The following SLC7A2 variants were observed in gnomAD, a reference collection of about 807,000 sequenced individuals.
SLC7A2 encodes solute carrier family 7 member 2, also known as cationic amino acid transporter 2.
Under a neutral mutation model 58.9 loss-of-function variants are expected in SLC7A2, and 48 were observed. The ratio of observed to expected loss-of-function variants is 0.82; its 90% CI spans 0.65 to 1.04. The LOEUF (loss-of-function observed/expected upper bound fraction) is 1.04. Among genes scored for constraint, SLC7A2 ranks in the 50% least tolerant of loss-of-function variants. The pLI is 0.00. For synonymous variants in SLC7A2, 363 were observed against 314.5 expected, an observed-to-expected ratio of 1.15 and a Z score of -1.63; for missense variants, 1,029 against 818.8, an observed-to-expected ratio of 1.26 and a Z score of -3.13.
At chr8:17,560,618 C>A in intron 10 of SLC7A2, 85 bp downstream of exon 10, 6 of 1,146,842 alleles carry the variant, frequency 5.2e-6, no homozygotes, top group Non-Finnish European at 7.9e-6. Context: ...GAAAAGAGGG[C>A]CTAACATTGC....
chr8:17,568,227 C>G lies in SLC7A2; in HGVS notation c.*3081C>G, dbSNP rs1183819460. 6.6e-6 allele frequency: 1 copy of G among 151,624 alleles called. No individual in the cohort carries two copies. Among genetic ancestry groups the G allele is most frequent in the East Asian group, 1.9e-4 (1 of 5,176 alleles). The allele number at this position is 151,624 out of a possible 1,614,324, so 9.4% of individuals were successfully genotyped here. The stretch of plus-strand genomic sequence containing the variant: ...TCAGTGAGAATTTCTTGTAATGGCA[C>G]CTCAAATTTTATACTCTTAAAAAAA... On this transcript the variant is annotated 3_prime_UTR_variant, in exon 13 of 13. Coordinates refer to ENST00000494857, the MANE Select transcript of SLC7A2 (RefSeq NM_001370338.1).
At chr8:17,538,925 AAGATTTATTGTC>A in intron 2 of SLC7A2, 1 of 1,612,196 alleles carries the variant, frequency 6.2e-7, no homozygotes, top group East Asian at 2.2e-5. Context: ...TTTCTCCTGT[AAGATTTATTGTC>A]AGGGCCTGGG....
At chr8:17,530,670 T>G (rs961665360) in intron 2 of SLC7A2, among the ~76,000 whole-genome samples, 1 of 151,764 alleles carries the variant, frequency 6.6e-6, no homozygotes, top group African/African-American at 2.4e-5. Context: ...CCTCCTAGGT[T>G]CAAGCGTTTC....
rs1298312372 is a variant in SLC7A2 at position 17,539,006 on chromosome 8, A to C, written c.-22-4312A>C. 4.1e-5 allele frequency: 53 copies of C among 1,280,554 alleles called. No homozygotes were observed. The South Asian group carries it at 6.2e-4, about 15-fold the overall frequency. 79.3% of individuals were successfully genotyped at this position (1,280,554 alleles called of 1,614,324 possible). On this transcript the variant is annotated intron_variant, in intron 2 of 12. Transcript: ENST00000494857. ...ACCTTTACTTAGGGGAGGAAGGGAA[A>C]GATTCATTTCTAAGTGACTCAATGC... is the stretch of plus-strand genomic sequence containing the variant.
intron 2 of SLC7A2, among the ~76,000 whole-genome samples, chr8:17,530,185 C>T (rs564433564): frequency 2.4e-4 from 37 of 152,234 alleles, no homozygotes; most frequent in Middle Eastern, 3.4e-3. Context: ...CCCCCTGCCC[C>T]CCATCCCCGG....
intron 11 of SLC7A2, among the ~76,000 whole-genome samples, chr8:17,562,501 T>G (rs1450379730): frequency 6.6e-6 from 1 of 151,946 alleles, no homozygotes. Context: ...CACCGTGCCC[T>G]GCTTATTTTT....
rs751247329 is a variant in SLC7A2, at chr8:17,543,333, C to T, written c.-7C>T. ...TTCTGCTCAGGTCGCCTTCGTCAGACGTCAGAATGATTCCTTGCAGAGCCG... is the reference window on the plus strand; with the variant it reads ...TTCTGCTCAGGTCGCCTTCGTCAGATGTCAGAATGATTCCTTGCAGAGCCG... On this transcript the variant is annotated 5_prime_UTR_variant, in exon 3 of 13. The change creates a new upstream start codon in the 5' untranslated region. Transcript: ENST00000494857. 5.1e-5 allele frequency: 82 copies of T among 1,607,612 alleles called. No individual in the cohort carries two copies. The highest frequency in any genetic ancestry group is 9.4e-5 in the African/African-American group (7 of 74,724).
chr8:17,530,060 T>C (rs1801382427), intron 2 of SLC7A2, among the ~76,000 whole-genome samples: 1 of 152,144 alleles, frequency 6.6e-6, no homozygotes, highest in Non-Finnish European at 1.5e-5. Flanking sequence ...TGCCGGCTTC[T>C]CTTGGCAGGT....
At chr8:17,543,187 GAAACACACACACACACACACACACACAC>G (rs1801989470) in intron 2 of SLC7A2, 103 bp from the exon 3 acceptor site, 2 of 794,764 alleles carry the variant, frequency 2.5e-6, no homozygotes, top group Non-Finnish European at 3.8e-6. Context: ...TCTAACAAGT[GAAACACACACACACACACACACACACAC>G]AAACACACAC....
chr8:17,534,605 G>T (rs1467190926), intron 2 of SLC7A2, among the ~76,000 whole-genome samples: 1 of 150,972 alleles, frequency 6.6e-6, no homozygotes, highest in African/African-American at 2.4e-5. Flanking sequence ...GCTCAGTGTG[G>T]AAATTTTAGC....
At chr8:17,497,440 C>G (rs934837170) in intron 1 of SLC7A2, among the ~76,000 whole-genome samples, 2 of 152,110 alleles carry the variant, frequency 1.3e-5, no homozygotes, top group East Asian at 1.9e-4. Context: ...GAGTCGGGGC[C>G]GTGGGCTGGG....
At chr8:17,535,631 G>A (rs1162974005) in intron 2 of SLC7A2, among the ~76,000 whole-genome samples, 2 of 152,176 alleles carry the variant, frequency 1.3e-5, no homozygotes, top group East Asian at 1.9e-4. Flanking sequence ...GGCCGGGCGC[G>A]GTGGCTTACG....
intron 2 of SLC7A2, among the ~76,000 whole-genome samples, chr8:17,514,843 T>C (rs894668965): frequency 6.6e-6 from 1 of 152,230 alleles, no homozygotes; most frequent in Non-Finnish European, 1.5e-5. Flanking sequence ...TGATAAGTTT[T>C]ACTGAAATGA....
At chr8:17,531,233 G>C (rs1801438850) in intron 2 of SLC7A2, among the ~76,000 whole-genome samples, 1 of 152,176 alleles carries the variant, frequency 6.6e-6, no homozygotes, top group Non-Finnish European at 1.5e-5. Context: ...GAGGAAGGGA[G>C]TTTCTCTCTC....
chr8:17,526,316 T>C (rs1801221341), intron 2 of SLC7A2, among the ~76,000 whole-genome samples: 1 of 152,030 alleles, frequency 6.6e-6, no homozygotes, highest in Non-Finnish European at 1.5e-5. Flanking sequence ...GCTTGTAAAA[T>C]AGGAAGGCGA....
chr8:17,516,590 G>T (rs1800813402), intron 2 of SLC7A2, among the ~76,000 whole-genome samples: 1 of 152,178 alleles, frequency 6.6e-6, no homozygotes, highest in Non-Finnish European at 1.5e-5. Flanking sequence ...ACACATGGGT[G>T]GTAACTCGTA....
intron 2 of SLC7A2, among the ~76,000 whole-genome samples, chr8:17,516,580 A>G (rs894423188): frequency 5.3e-5 from 8 of 152,288 alleles, no homozygotes; most frequent in Admixed American, 2.6e-4. Context: ...TTGTCCAAAG[A>G]CACATGGGTG....
chr8:17,523,445 C>G (rs1801097066), intron 2 of SLC7A2, among the ~76,000 whole-genome samples: 1 of 152,116 alleles, frequency 6.6e-6, no homozygotes, highest in South Asian at 2.1e-4. Context: ...AATAGAGAAC[C>G]TAGAAATAAA....
intron 9 of SLC7A2, among the ~76,000 whole-genome samples, chr8:17,560,112 G>T (rs1344885814): frequency 4.6e-5 from 7 of 152,188 alleles, no homozygotes; most frequent in African/African-American, 1.7e-4. Flanking sequence ...CTCTGATTTG[G>T]TGACTACTGG....
Sources: gnomAD v4.1 joint callset for allele counts (sites outside exome capture counted in the v4.1 genomes callset) on GRCh38, gnomAD v4.1.1 for gene constraint, MANE v1.5 for transcripts, NCBI Gene and HGNC (gene_info 2026-07-23, HGNC 2026-07-21) for gene names.